Variants in RSBN1 observed in about 807,000 individuals in gnomAD.
RSBN1 encodes the protein round spermatid basic protein 1, also known as lysine-specific demethylase 9.
A neutral mutation model predicts 74.8 loss-of-function variants in RSBN1; 23 were observed. That is an observed-to-expected ratio of 0.31 (90% CI 0.22 to 0.44). The LOEUF (loss-of-function observed/expected upper bound fraction) is 0.44. Among genes scored for constraint, RSBN1 ranks in the 20% least tolerant of loss-of-function variants. The pLI is 1.00. For synonymous variants in RSBN1, 407 were observed against 379.6 expected (o/e 1.07, Z -0.84); for missense variants, 808 against 1,020.9 (o/e 0.79, Z 2.84).
At chr1:113,789,387 G>A (rs924584378) in intron 2 of RSBN1, among the ~76,000 whole-genome samples, 2 of 152,114 alleles carry the variant, frequency 1.3e-5, no homozygotes, top group Non-Finnish European at 2.9e-5. Flanking sequence ...TCCTGTGCTC[G>A]GGACCCTTCC....
intron 1 of RSBN1, among the ~76,000 whole-genome samples, chr1:113,801,318 A>G (rs1660580560): frequency 6.6e-6 from 1 of 152,196 alleles, no homozygotes; most frequent in South Asian, 2.1e-4. Context: ...AGGGTAAGAT[A>G]CAGAAAGCTT....
intron 1 of RSBN1, among the ~76,000 whole-genome samples, chr1:113,800,708 T>C (rs1660565649): frequency 6.6e-6 from 1 of 152,210 alleles, no homozygotes; most frequent in Middle Eastern, 3.4e-3. Flanking sequence ...TTGTAACACA[T>C]TTTCTGTATT....
intron 3 of RSBN1, 114 bp downstream of exon 3, chr1:113,777,557 C>G (rs1344503964): frequency 9.1e-7 from 1 of 1,093,994 alleles, no homozygotes; most frequent in African/African-American, 1.6e-5. Context: ...CATTTCTGTG[C>G]AAAACACTGG....
In RSBN1 at chr1:113,768,360, T is replaced by G; in HGVS notation, c.1688A>C (p.Tyr563Ser). 6.2e-7 allele frequency: 1 copy of G among 1,605,908 alleles called. No individual in the cohort carries two copies. Among genetic ancestry groups the G allele is most frequent in the Non-Finnish European group, 8.5e-7 (1 of 1,175,574 alleles). Residue 563 changes from tyrosine (Y) to serine (S), a missense_variant, in exon 5 of 7, where the codon TAC becomes TCC. Tyr to Ser is a moderately radical substitution (Grantham distance 144, BLOSUM62 -2). Coordinates refer to ENST00000261441, the MANE Select transcript of RSBN1 (RefSeq NM_018364.5). ...RSMNEIKNLQ[Y>S]LPRTSEPREV... ...GCGGGGTTCACTGGTCCGAGGTAGG[T>G]ACTGGAGATTTTTTATTTCATTCAT... is the stretch of plus-strand genomic sequence containing the variant.
rs541504899 is a variant in RSBN1 at position 113,768,203 on chromosome 1, T to A, written c.1826+19A>T. The A allele has an allele frequency of 1.3e-6, 2 of 1,586,882 alleles. No homozygotes were observed. Among genetic ancestry groups the A allele is most frequent in the Non-Finnish European group, 1.7e-6 (2 of 1,164,788 alleles). ...TATACAATATTAACCAACCTTGCAGTTGAGTTCAATTAACTCACCATTCAC... is the reference window on the plus strand; with the variant it reads ...TATACAATATTAACCAACCTTGCAGATGAGTTCAATTAACTCACCATTCAC... On this transcript the variant is annotated intron_variant, in intron 5 of 6. Coordinates refer to ENST00000261441, the MANE Select transcript of RSBN1 (RefSeq NM_018364.5).
chr1:113,786,718 C>T (rs1660251382), intron 2 of RSBN1, among the ~76,000 whole-genome samples: 1 of 152,170 alleles, frequency 6.6e-6, no homozygotes, highest in African/African-American at 2.4e-5. Context: ...CACCTGTAAT[C>T]CCAGCACTTT....
chr1:113,797,998 C>A lies in RSBN1; in HGVS notation c.742G>T (p.Asp248Tyr), dbSNP rs1306358166. ...TTCTTTATTTTCTTCAAGACAAAAT[C>A]ATCGGCTCTCTGGGTTTTACCATTT... Reference protein sequence around the residue: ...DENGKTQRADDFVLKKIKKKK... With the variant: ...DENGKTQRADYFVLKKIKKKK... Residue 248 changes from aspartate (D) to tyrosine (Y), a missense_variant, in exon 2 of 7, where the codon GAT (aspartate) becomes TAT (tyrosine). Physicochemically the swap from Asp to Tyr is radical, Grantham distance 160. This residue lies in a region of RSBN1 where 464 missense variants were observed against 401.0 expected (regional missense o/e 1.16). Coordinates refer to ENST00000261441, the MANE Select transcript of RSBN1 (RefSeq NM_018364.5). The A allele has an allele frequency of 6.2e-7, 1 of 1,610,200 alleles. No homozygotes were observed. The highest frequency in any genetic ancestry group is 8.5e-7 in the Non-Finnish European group (1 of 1,179,098).
intron 2 of RSBN1, among the ~76,000 whole-genome samples, chr1:113,785,184 T>C (rs187001370): frequency 8.7e-4 from 133 of 152,290 alleles, no homozygotes; most frequent in African/African-American, 3.0e-3. Flanking sequence ...AATGCACACA[T>C]TGGCCTATGC....
chr1:113,764,478 CACA>C lies in RSBN1; in HGVS notation c.*1499_*1501del, dbSNP rs933585902. Reference sequence around the variant, plus strand: ...TACTTTGCTAATATGCATTTAACTACACAACAATATTGCACAAAGTAATATTTA... The same window carrying C: ...TACTTTGCTAATATGCATTTAACTACACAATATTGCACAAAGTAATATTTA... On this transcript the variant is annotated 3_prime_UTR_variant, in exon 7 of 7. Transcript: ENST00000261441. 6.6e-6 allele frequency: 1 copy of C among 152,574 alleles called. No homozygotes were observed. The highest frequency in any genetic ancestry group is 2.4e-5 in the African/African-American group (1 of 41,424). 9.5% of individuals were successfully genotyped at this position (152,574 alleles called of 1,614,324 possible). A position where few individuals can be genotyped will look rare whatever the true frequency, so the allele number is the denominator to read the frequency against.
intron 2 of RSBN1, among the ~76,000 whole-genome samples, chr1:113,781,317 A>G (rs1259198826): frequency 6.6e-6 from 1 of 152,078 alleles, no homozygotes; most frequent in East Asian, 1.9e-4. Flanking sequence ...ATCTCATATC[A>G]TTGCAATCAG....
intron 1 of RSBN1, among the ~76,000 whole-genome samples, chr1:113,810,187 AT>A (rs1407994889): frequency 6.6e-6 from 1 of 152,188 alleles, no homozygotes; most frequent in Non-Finnish European, 1.5e-5. Context: ...TTGAAGCAGG[AT>A]TCAGGAGCCT....
At position 113,764,613 on chromosome 1, in the gene RSBN1, G is replaced by GT. The variant is rs1356004785; in HGVS notation, c.*1366dup. On this transcript the variant is annotated 3_prime_UTR_variant, in exon 7 of 7. Coordinates refer to ENST00000261441, the MANE Select transcript of RSBN1 (RefSeq NM_018364.5). ...GACAGACATAATAAAGCAGCATCTT[G>GT]TATTTTTTTTTTTTTTTGCCTATGT... is the stretch of plus-strand genomic sequence containing the variant. The GT allele has an allele frequency of 4.0e-5, 5 of 125,446 alleles. No homozygotes were observed. The highest frequency in any genetic ancestry group is 7.9e-5 in the Admixed American group (1 of 12,626). 7.8% of individuals were successfully genotyped at this position (125,446 alleles called of 1,614,324 possible).
intron 5 of RSBN1, 64 bp from the exon 6 acceptor site, chr1:113,767,271 C>T (rs1198126828): frequency 1.0e-6 from 1 of 956,012 alleles, no homozygotes; most frequent in Non-Finnish European, 1.6e-6. Flanking sequence ...TGACAAATTT[C>T]AGTTCTTTTG....
At chr1:113,797,056 C>A (rs1002859469) in intron 2 of RSBN1, among the ~76,000 whole-genome samples, 1 of 152,202 alleles carries the variant, frequency 6.6e-6, no homozygotes, top group Non-Finnish European at 1.5e-5. Flanking sequence ...ACTAACAGAT[C>A]TCAATCACAT....
chr1:113,790,640 G>C (rs928870162), intron 2 of RSBN1, among the ~76,000 whole-genome samples: 1 of 152,202 alleles, frequency 6.6e-6, no homozygotes, highest in African/African-American at 2.4e-5. Flanking sequence ...AAAGTCCCCA[G>C]TGATGGCCAA....
At chr1:113,788,517 T>C (rs1433018702) in intron 2 of RSBN1, among the ~76,000 whole-genome samples, 3 of 152,100 alleles carry the variant, frequency 2.0e-5, no homozygotes, top group Non-Finnish European at 2.9e-5. Context: ...CATTCTGTAG[T>C]AGAAATTCTG....
intron 4 of RSBN1, among the ~76,000 whole-genome samples, chr1:113,774,767 G>A (rs1431174805): frequency 1.3e-5 from 2 of 151,720 alleles, no homozygotes; most frequent in East Asian, 1.9e-4. Flanking sequence ...TGAGGTGGGA[G>A]GATCACTTGA....
In RSBN1 at chr1:113,763,668, T is replaced by G. The variant is rs1397145696; in HGVS notation, c.*2312A>C. The G allele has an allele frequency of 6.5e-6, 1 of 152,776 alleles. No individual in the cohort carries two copies. Among genetic ancestry groups the G allele is most frequent in the Non-Finnish European group, 1.5e-5 (1 of 68,034 alleles). The allele number at this position is 152,776 out of a possible 1,614,324, so 9.5% of individuals were successfully genotyped here. A position where few individuals can be genotyped will look rare whatever the true frequency, so the allele number is the denominator to read the frequency against. On this transcript the variant is annotated 3_prime_UTR_variant, in exon 7 of 7. Transcript: ENST00000261441. ...ATTGCAATTCTAACATACAATGAAT[T>G]TATTAGTACATGATTTTAAACATTT... is the stretch of plus-strand genomic sequence containing the variant.
intron 1 of RSBN1, among the ~76,000 whole-genome samples, chr1:113,803,309 C>G (rs368220836): frequency 2.0e-4 from 30 of 152,288 alleles, no homozygotes; most frequent in African/African-American, 7.2e-4. Context: ...TTATGAACAC[C>G]TATCTACAGG....
Sources: gnomAD v4.1 joint callset for allele counts (sites outside exome capture counted in the v4.1 genomes callset) on GRCh38, gnomAD v4.1.1 for gene constraint, gnomAD v4.1.1 regional missense constraint, MANE v1.5 for transcripts, NCBI Gene and HGNC (gene_info 2026-07-23, HGNC 2026-07-21) for gene names.